SCPEP1: variants seen among roughly 807,000 people sequenced by gnomAD.
SCPEP1 encodes the protein retinoid-inducible serine carboxypeptidase.
SCPEP1 carries 51 observed loss-of-function variants against 63.8 expected under a neutral mutation model. The observed-to-expected ratio is 0.80, with a 90% CI of 0.64 to 1.01. The LOEUF is 1.01. SCPEP1 is among the 50% of genes least tolerant of loss of function. The pLI, the probability that SCPEP1 is intolerant of heterozygous loss-of-function variation, is 0.00. For synonymous variants in SCPEP1, 204 were observed against 207.8 expected, an observed-to-expected ratio of 0.98 and a Z score of 0.16; for missense variants, 499 against 554.9, an observed-to-expected ratio of 0.90 and a Z score of 1.01.
chr17:56,978,312 G>T, intron 1 of SCPEP1, 77 bp downstream of exon 1: 3 of 1,429,488 alleles, frequency 2.1e-6, no homozygotes, highest in Non-Finnish European at 2.8e-6. Flanking sequence ...CTGGGTTTGT[G>T]CTTTTGAAAA....
chr17:56,978,351 G>T, intron 1 of SCPEP1, 116 bp downstream of exon 1: 3 of 1,193,332 alleles, frequency 2.5e-6, no homozygotes, highest in Non-Finnish European at 3.3e-6. Flanking sequence ...TTCTTACCTT[G>T]TGTAATTATA....
At chr17:56,996,894 T>A in intron 8 of SCPEP1, 68 bp from the exon 9 acceptor site, 1 of 983,652 alleles carries the variant, frequency 1.0e-6, no homozygotes, top group Non-Finnish European at 1.6e-6. Flanking sequence ...GAGCCATGTG[T>A]CCTTCTGTTT....
chr17:56,994,948 A>G (rs185432213), intron 6 of SCPEP1, 33 bp from the exon 7 acceptor site: 2 of 1,590,136 alleles, frequency 1.3e-6, no homozygotes, highest in African/African-American at 2.7e-5. Context: ...GAGGTATGAC[A>G]TACTTGATTT....
At chr17:56,989,679 G>T (rs932698644) in intron 5 of SCPEP1, among the ~76,000 whole-genome samples, 1 of 152,212 alleles carries the variant, frequency 6.6e-6, no homozygotes, top group South Asian at 2.1e-4. Flanking sequence ...GGGCGCGGTG[G>T]CTCATGCCTG....
chr17:57,000,867 A>T lies in SCPEP1; in HGVS notation c.1007A>T (p.Asn336Ile). The T allele has an allele frequency of 5.0e-6, 8 of 1,614,140 alleles. No homozygotes were observed. Among genetic ancestry groups the T allele is most frequent in the Non-Finnish European group, 6.8e-6 (8 of 1,180,036 alleles). Residue 336 changes from asparagine to isoleucine, a missense_variant, in exon 11 of 13, where the codon AAC (asparagine) becomes ATC (isoleucine). Transcript: ENST00000262288. ...TCCCCATGTGCAGGCCAGGCTACCA[A>T]CGTCTTTGTGAACATGGAGGAGGAC... Reference protein sequence around the residue: ...EDQSWGGQATNVFVNMEEDFM... With the variant: ...EDQSWGGQATIVFVNMEEDFM...
intron 4 of SCPEP1, 138 bp from the exon 5 acceptor site, chr17:56,988,078 G>T: frequency 3.9e-6 from 3 of 773,154 alleles, no homozygotes; most frequent in Non-Finnish European, 6.3e-6. Flanking sequence ...GCAATAATCA[G>T]ATATGGAGTG....
In SCPEP1 at chr17:57,000,939, G is replaced by A. The variant is rs758718885; in HGVS notation, c.1079G>A (p.Gly360Glu). 1.9e-6 allele frequency: 3 copies of A among 1,614,154 alleles called. No individual in the cohort carries two copies. Among genetic ancestry groups the A allele is most frequent in the East Asian group, 2.2e-5 (1 of 44,878 alleles). ...ATTGTGGACGAGTTGCTGGAGGCAG[G>A]GATCAACGTGACGGTGTATAATGGA... ...ISIVDELLEA[G>E]INVTVYNGQL... The change falls in exon 11 of 13, where the codon GGG becomes GAG. Residue 360 changes from glycine (G) to glutamate (E), a missense_variant. Coordinates refer to ENST00000262288, the MANE Select transcript of SCPEP1 (RefSeq NM_021626.3).
chr17:56,981,826 G>GT (rs1911077098), intron 2 of SCPEP1, among the ~76,000 whole-genome samples: 1 of 151,978 alleles, frequency 6.6e-6, no homozygotes. Context: ...TATCTCAAAA[G>GT]AAAAAAGAAA....
chr17:56,997,458 A>G (rs1911603135), intron 9 of SCPEP1, among the ~76,000 whole-genome samples: 1 of 152,214 alleles, frequency 6.6e-6, no homozygotes, highest in Non-Finnish European at 1.5e-5. Flanking sequence ...CCATACACCA[A>G]ATTACAACAT....
At chr17:56,982,567 T>C (rs1001694132) in intron 2 of SCPEP1, among the ~76,000 whole-genome samples, 1 of 152,100 alleles carries the variant, frequency 6.6e-6, no homozygotes, top group African/African-American at 2.4e-5. Context: ...TGCGGCACAA[T>C]TGGCAGGGAG....
At chr17:56,979,846 T>C (rs1391510378) in intron 1 of SCPEP1, among the ~76,000 whole-genome samples, 1 of 152,202 alleles carries the variant, frequency 6.6e-6, no homozygotes, top group Non-Finnish European at 1.5e-5. Flanking sequence ...GTTTCTTTTG[T>C]ACAGTCTCTG....
chr17:56,992,660 A>G lies in SCPEP1; in HGVS notation c.619+1489A>G, dbSNP rs192816218. Among the ~76,000 whole-genome samples, 6 of 152,346 alleles carry G rather than the reference A, an allele frequency of 3.9e-5. No individual in the cohort carries two copies. In the East Asian group the frequency reaches 7.7e-4, roughly 20 times the overall value. On this transcript the variant is annotated intron_variant, in intron 6 of 12. Transcript: ENST00000262288. ...GTGCTAACTTCATGTAATCCTTACAACAACTCCATGGGATGGATGCTATCA... is the reference window on the plus strand; with the variant it reads ...GTGCTAACTTCATGTAATCCTTACAGCAACTCCATGGGATGGATGCTATCA...
chr17:56,981,014 T>G, intron 1 of SCPEP1, 68 bp from the exon 2 acceptor site: 1 of 1,566,142 alleles, frequency 6.4e-7, no homozygotes, highest in Non-Finnish European at 8.8e-7. Context: ...TGGCTGTCTC[T>G]ACCAGGCTTG....
In SCPEP1 at chr17:56,994,994, C is replaced by T; in HGVS notation, c.633C>T (p.Ser211=). 7 of 1,613,538 alleles carry T rather than the reference C, an allele frequency of 4.3e-6. No homozygotes were observed. Among genetic ancestry groups the T allele is most frequent in the Non-Finnish European group, 5.9e-6 (7 of 1,179,514 alleles). Residue 211 remains serine (S), a synonymous_variant, in exon 7 of 13, where the codon TCC becomes TCT. Coordinates refer to ENST00000262288, the MANE Select transcript of SCPEP1 (RefSeq NM_021626.3). Reference sequence around the variant, plus strand: ...GATTTCCTTTAGATTCGGTGCTCTCCTGGGGACCTTACCTGTACAGCATGG... The same window carrying T: ...GATTTCCTTTAGATTCGGTGCTCTCTTGGGGACCTTACCTGTACAGCATGG... ...SWISPVDSVL[S]WGPYLYSMSL...
chr17:56,978,350 TG>T, intron 1 of SCPEP1, 115 bp downstream of exon 1: 1 of 1,258,088 alleles, frequency 7.9e-7, no homozygotes, highest in Non-Finnish European at 1.0e-6. Context: ...GTTCTTACCT[TG>T]TGTAATTATA....
At chr17:56,978,363 T>C in intron 1 of SCPEP1, 128 bp downstream of exon 1, 6 of 1,163,622 alleles carry the variant, frequency 5.2e-6, no homozygotes, top group Non-Finnish European at 5.6e-6. Context: ...GTAATTATAT[T>C]GCTTTTGAAT....
In SCPEP1 at chr17:57,000,868, C is replaced by A. The variant is rs201211805; in HGVS notation, c.1008C>A (p.Asn336Lys). The A allele has an allele frequency of 1.9e-6, 3 of 1,614,140 alleles. No individual in the cohort carries two copies. Among genetic ancestry groups the A allele is most frequent in the Non-Finnish European group, 2.5e-6 (3 of 1,180,046 alleles). Reference sequence around the variant, plus strand: ...CCCCATGTGCAGGCCAGGCTACCAACGTCTTTGTGAACATGGAGGAGGACT... The same window carrying A: ...CCCCATGTGCAGGCCAGGCTACCAAAGTCTTTGTGAACATGGAGGAGGACT... ...EDQSWGGQAT[N>K]VFVNMEEDFM... Residue 336 changes from asparagine to lysine, a missense_variant, in exon 11 of 13, where the codon AAC becomes AAA. By Grantham distance (94) the Asn-to-Lys change is moderately conservative. Transcript: ENST00000262288.
chr17:57,002,382 C>T (rs964393630), intron 12 of SCPEP1, among the ~76,000 whole-genome samples: 2 of 152,186 alleles, frequency 1.3e-5, no homozygotes, highest in African/African-American at 4.8e-5. Flanking sequence ...GAGTTTGAGA[C>T]CAGCCTGGGC....
At chr17:56,991,559 A>T (rs907114330) in intron 6 of SCPEP1, among the ~76,000 whole-genome samples, 1 of 152,190 alleles carries the variant, frequency 6.6e-6, no homozygotes, top group African/African-American at 2.4e-5. Context: ...TGATGCTGAC[A>T]TAAGTGTTTG....
Sources: allele counts gnomAD v4.1 joint callset (sites outside exome capture counted in the v4.1 genomes callset), GRCh38; gene constraint gnomAD v4.1.1; transcripts MANE v1.5; gene names NCBI Gene and HGNC (gene_info 2026-07-23, HGNC 2026-07-21).